Variants in SORCS3 observed in about 807,000 individuals in gnomAD.
SORCS3 encodes sortilin related VPS10 domain containing receptor 3.
A neutral mutation model predicts 146.3 loss-of-function variants in SORCS3; 57 were observed. The observed-to-expected ratio is 0.39, with a 90% CI of 0.31 to 0.49. The LOEUF (loss-of-function observed/expected upper bound fraction) is 0.49. Ranked by LOEUF, SORCS3 falls within the 20% of genes least tolerant of loss-of-function variation. SORCS3 has a pLI of 0.92. For synonymous variants in SORCS3, 653 were observed against 618.5 expected (o/e 1.06, Z -0.83); for missense variants, 1,341 against 1,575.5 (o/e 0.85, Z 2.52).
At chr10:104,805,574 G>A (rs1426774845) in intron 1 of SORCS3, among the ~76,000 whole-genome samples, 2 of 152,164 alleles carry the variant, frequency 1.3e-5, no homozygotes, top group Non-Finnish European at 1.5e-5. Flanking sequence ...GTAGTAGGGA[G>A]AAATGTCAGT....
At chr10:105,185,017 G>A (rs1293108831) in intron 14 of SORCS3, among the ~76,000 whole-genome samples, 1 of 152,102 alleles carries the variant, frequency 6.6e-6, no homozygotes, top group African/African-American at 2.4e-5. Context: ...CTGCTTCTAT[G>A]AGTTTGACTA....
At chr10:104,651,551 A>G (rs1055464497) in intron 1 of SORCS3, among the ~76,000 whole-genome samples, 5 of 150,978 alleles carry the variant, frequency 3.3e-5, no homozygotes, top group African/African-American at 1.2e-4. Context: ...AAAAAAAAAA[A>G]AAACACAAAA....
intron 1 of SORCS3, among the ~76,000 whole-genome samples, chr10:104,698,404 C>T (rs941369422): frequency 6.6e-6 from 1 of 152,130 alleles, no homozygotes; most frequent in African/African-American, 2.4e-5. Context: ...ACATATAGCA[C>T]ACTGAGCACA....
intron 14 of SORCS3, among the ~76,000 whole-genome samples, chr10:105,185,024 A>G (rs377596555): frequency 1.3e-5 from 2 of 152,084 alleles, no homozygotes; most frequent in Non-Finnish European, 2.9e-5. Flanking sequence ...TATGAGTTTG[A>G]CTATTTTAGA....
chr10:105,098,669 T>A (rs791115), intron 6 of SORCS3, among the ~76,000 whole-genome samples: 24,167 of 152,168 alleles, frequency 0.16, 2,122 homozygotes, highest in Middle Eastern at 0.2. Context: ...TGTAACTCCC[T>A]GGGTTGTTGC....
At chr10:105,249,423 T>TC (rs1433194091) in intron 22 of SORCS3, among the ~76,000 whole-genome samples, 1 of 151,930 alleles carries the variant, frequency 6.6e-6, no homozygotes, top group Non-Finnish European at 1.5e-5. Flanking sequence ...TGCTGGTGGT[T>TC]CCCCAAGGCA....
At chr10:104,743,061 A>G (rs1246615057) in intron 1 of SORCS3, among the ~76,000 whole-genome samples, 1 of 152,200 alleles carries the variant, frequency 6.6e-6, no homozygotes, top group Non-Finnish European at 1.5e-5. Context: ...TGTGGGGTGG[A>G]TAGAACATGT....
intron 8 of SORCS3, among the ~76,000 whole-genome samples, chr10:105,140,202 G>T (rs888563745): frequency 3.3e-5 from 5 of 152,122 alleles, no homozygotes; most frequent in Non-Finnish European, 5.9e-5. Context: ...AAAGACTTGG[G>T]TCTCTAAGCT....
chr10:105,192,509 G>A lies in SORCS3; in HGVS notation c.2010-7490G>A, dbSNP rs1459757939. On this transcript the variant is annotated intron_variant, in intron 14 of 26. Transcript: ENST00000369701. ...GCTCTGTTTCTGAAGATGTTATTCC[G>A]GCAGATGGAAATGGGACAGTTGGTG... Among the ~76,000 whole-genome samples the A allele has an allele frequency of 3.3e-5, 5 of 152,190 alleles. No homozygotes were observed. The East Asian group carries it at 5.8e-4, about 18-fold the overall frequency.
intron 9 of SORCS3, among the ~76,000 whole-genome samples, chr10:105,153,293 T>A (rs1218628822): frequency 6.6e-6 from 1 of 152,214 alleles, no homozygotes; most frequent in African/African-American, 2.4e-5. Flanking sequence ...ATATATTGGT[T>A]CCTTCTGTTT....
At chr10:104,701,204 T>C (rs928076768) in intron 1 of SORCS3, among the ~76,000 whole-genome samples, 1 of 152,218 alleles carries the variant, frequency 6.6e-6, no homozygotes, top group Non-Finnish European at 1.5e-5. Flanking sequence ...TAGGGTCTTA[T>C]AAAAATCTCA....
At chr10:104,777,813 C>T (rs2017326929) in intron 1 of SORCS3, among the ~76,000 whole-genome samples, 1 of 152,124 alleles carries the variant, frequency 6.6e-6, no homozygotes. Flanking sequence ...GTACTGATAT[C>T]ATTTTAAGGG....
At chr10:104,865,239 G>C (rs1290297798) in intron 2 of SORCS3, among the ~76,000 whole-genome samples, 2 of 152,158 alleles carry the variant, frequency 1.3e-5, no homozygotes, top group Middle Eastern at 6.3e-3. Context: ...GTGAAAGAAG[G>C]AAAGAAGGAA....
intron 16 of SORCS3, among the ~76,000 whole-genome samples, chr10:105,210,331 A>G (rs1369131113): frequency 6.6e-6 from 1 of 152,192 alleles, no homozygotes; most frequent in Non-Finnish European, 1.5e-5. Flanking sequence ...AAGATGCTTG[A>G]CTTAGAAACA....
intron 20 of SORCS3, among the ~76,000 whole-genome samples, chr10:105,229,375 C>G (rs2056754141): frequency 6.6e-6 from 1 of 152,022 alleles, no homozygotes; most frequent in East Asian, 1.9e-4. Context: ...GGATCTGTTA[C>G]TGGAGAATTA....
intron 1 of SORCS3, among the ~76,000 whole-genome samples, chr10:104,824,868 A>T (rs1244518914): frequency 6.6e-6 from 1 of 152,156 alleles, no homozygotes; most frequent in Non-Finnish European, 1.5e-5. Context: ...GAAGCTCCAG[A>T]AGAAAGGGAA....
At chr10:105,243,337 A>G (rs559653490) in intron 20 of SORCS3, among the ~76,000 whole-genome samples, 1 of 152,202 alleles carries the variant, frequency 6.6e-6, no homozygotes, top group Admixed American at 6.5e-5. Flanking sequence ...TTGCCTAAGG[A>G]TATTGATTCA....
At chr10:105,261,335 T>G (rs957308687) in intron 25 of SORCS3, among the ~76,000 whole-genome samples, 1 of 152,182 alleles carries the variant, frequency 6.6e-6, no homozygotes, top group Non-Finnish European at 1.5e-5. Context: ...GAGGGAACAG[T>G]TGGTTCTAAG....
chr10:105,020,451 A>T (rs1393648189), intron 4 of SORCS3, among the ~76,000 whole-genome samples: 1 of 152,166 alleles, frequency 6.6e-6, no homozygotes, highest in African/African-American at 2.4e-5. Flanking sequence ...TAGGTGTGTC[A>T]TCGTATTCTC....
Sources: gnomAD v4.1 joint callset for allele counts (sites outside exome capture counted in the v4.1 genomes callset) on GRCh38, gnomAD v4.1.1 for gene constraint, MANE v1.5 for transcripts, NCBI Gene and HGNC (gene_info 2026-07-23, HGNC 2026-07-21) for gene names.